Variants in POU6F2 observed in about 807,000 individuals in gnomAD.
POU6F2 encodes POU class 6 homeobox 2, also known as POU domain, class 6, transcription factor 2.
Under a neutral mutation model 71.3 loss-of-function variants are expected in POU6F2, and 31 were observed. The observed-to-expected ratio is 0.43, with a 90% CI of 0.33 to 0.59. The LOEUF is 0.59. Ranked by LOEUF, POU6F2 falls within the 20% of genes least tolerant of loss-of-function variation. POU6F2 has a pLI of 0.04. For missense variants in POU6F2, 783 were observed against 856.8 expected (o/e 0.91, Z 1.07); for synonymous variants, 347 against 355.7 (o/e 0.98, Z 0.27).
At chr7:39,015,560 A>G (rs1441257495) in intron 1 of POU6F2, among the ~76,000 whole-genome samples, 1 of 60,170 alleles carries the variant, frequency 1.7e-5, no homozygotes, top group Non-Finnish European at 3.3e-5. Flanking sequence ...TTTTATATAG[A>G]TCTACATTAT....
chr7:39,142,588 A>T (rs998578529), intron 2 of POU6F2, among the ~76,000 whole-genome samples: 6 of 152,260 alleles, frequency 3.9e-5, no homozygotes, highest in African/African-American at 1.2e-4. Flanking sequence ...TAGGTTTTCC[A>T]TGAAACTTCA....
At chr7:39,378,076 C>G (rs1786745206) in intron 5 of POU6F2, among the ~76,000 whole-genome samples, 1 of 152,188 alleles carries the variant, frequency 6.6e-6, no homozygotes, top group African/African-American at 2.4e-5. Flanking sequence ...AGTGGGAGTA[C>G]ATAGCCCATC....
chr7:39,265,231 C>T (rs2128755450), intron 4 of POU6F2, among the ~76,000 whole-genome samples: 4 of 152,260 alleles, frequency 2.6e-5, no homozygotes, highest in Middle Eastern at 3.4e-3. Flanking sequence ...TGTGTGATCC[C>T]CCAGGTCTGG....
At chr7:39,022,696 C>T (rs961834696) in intron 1 of POU6F2, among the ~76,000 whole-genome samples, 1 of 151,962 alleles carries the variant, frequency 6.6e-6, no homozygotes. Flanking sequence ...TGGGACTTTC[C>T]CCCGCTTTTT....
At chr7:39,168,163 A>T (rs1793148646) in intron 2 of POU6F2, among the ~76,000 whole-genome samples, 1 of 152,172 alleles carries the variant, frequency 6.6e-6, no homozygotes, top group South Asian at 2.1e-4. Flanking sequence ...AAAATTAGGA[A>T]TTTTGACCAA....
At chr7:39,319,705 A>G (rs2128768642) in intron 4 of POU6F2, among the ~76,000 whole-genome samples, 1 of 152,180 alleles carries the variant, frequency 6.6e-6, no homozygotes, top group East Asian at 1.9e-4. Context: ...TACCTGTGGC[A>G]TTTTCCAACA....
chr7:39,227,062 G>A (rs1260197504), intron 4 of POU6F2, among the ~76,000 whole-genome samples: 4 of 152,146 alleles, frequency 2.6e-5, no homozygotes, highest in Non-Finnish European at 5.9e-5. Context: ...ATTTGCCTTC[G>A]AATTTCAAAA....
chr7:39,398,271 CAAGT>C (rs1787219712), intron 5 of POU6F2, among the ~76,000 whole-genome samples: 1 of 149,998 alleles, frequency 6.7e-6, no homozygotes, highest in African/African-American at 2.5e-5. Flanking sequence ...AGAGGATAAA[CAAGT>C]AAGTGAATAA....
intron 5 of POU6F2, among the ~76,000 whole-genome samples, chr7:39,373,179 C>T (rs1786647036): frequency 6.6e-6 from 1 of 152,078 alleles, no homozygotes; most frequent in Non-Finnish European, 1.5e-5. Context: ...TAGAACAATG[C>T]CTGACGCATA....
At chr7:39,428,455 G>A (rs767627327) in intron 6 of POU6F2, among the ~76,000 whole-genome samples, 4 of 152,294 alleles carry the variant, frequency 2.6e-5, no homozygotes, top group Non-Finnish European at 2.9e-5. Context: ...GAGAATCGGG[G>A]CAAAGACATA....
intron 2 of POU6F2, among the ~76,000 whole-genome samples, chr7:39,149,351 T>A (rs1792694279): frequency 1.3e-5 from 2 of 152,236 alleles, no homozygotes. Context: ...CTTCTTTTTT[T>A]AAGCATTAAT....
chr7:39,061,288 G>A (rs1189352854), intron 1 of POU6F2, among the ~76,000 whole-genome samples: 2 of 152,102 alleles, frequency 1.3e-5, no homozygotes, highest in African/African-American at 4.8e-5. Flanking sequence ...AAGAAAGCAA[G>A]AAACATGCAG....
intron 6 of POU6F2, among the ~76,000 whole-genome samples, chr7:39,418,963 ATGTGT>A (rs1787755988): frequency 1.3e-5 from 1 of 75,348 alleles, no homozygotes; most frequent in Non-Finnish European, 2.6e-5. Context: ...ATGTATATAT[ATGTGT>A]ATATATGTAT....
chr7:39,011,929 C>T (rs1244685097), intron 1 of POU6F2, among the ~76,000 whole-genome samples: 5 of 151,802 alleles, frequency 3.3e-5, no homozygotes, highest in East Asian at 3.9e-4. Context: ...GAGGGTAACC[C>T]GACCTTTCTC....
intron 2 of POU6F2, among the ~76,000 whole-genome samples, chr7:39,158,290 G>A (rs1020279973): frequency 1.3e-5 from 2 of 152,174 alleles, no homozygotes; most frequent in African/African-American, 4.8e-5. Flanking sequence ...TGGCAGGATT[G>A]AGGATACAGT....
At chr7:39,107,854 C>T (rs1791724407) in intron 2 of POU6F2, among the ~76,000 whole-genome samples, 1 of 152,170 alleles carries the variant, frequency 6.6e-6, no homozygotes, top group Non-Finnish European at 1.5e-5. Flanking sequence ...CCCAAGAAGA[C>T]TCCACCAGAA....
chr7:39,201,192 CT>C (rs1793895408), intron 2 of POU6F2, among the ~76,000 whole-genome samples: 1 of 152,154 alleles, frequency 6.6e-6, no homozygotes, highest in Non-Finnish European at 1.5e-5. Flanking sequence ...TTATCCCTGA[CT>C]TTTACAACGT....
rs1788933851 is a variant in POU6F2 at position 39,460,923 on chromosome 7, T to C, written c.1658+208T>C. Among the ~76,000 whole-genome samples the C allele has an allele frequency of 6.6e-6, 1 of 152,088 alleles. No homozygotes were observed. Among genetic ancestry groups the C allele is most frequent in the Admixed American group, 6.5e-5 (1 of 15,280 alleles). On this transcript the variant is annotated intron_variant, in intron 9 of 9. Transcript: ENST00000518318. This position sits in a 1 kb window ranked among gnomAD's most constrained non-coding sequence, Gnocchi z 4.4. ...GGGGGTCCTGGCTTGATAACTCCTG[T>C]CAACTCACAAAGAACTTCCAAGGCA... is the stretch of plus-strand genomic sequence containing the variant.
intron 4 of POU6F2, among the ~76,000 whole-genome samples, chr7:39,224,384 A>T (rs909915821): frequency 6.6e-5 from 10 of 152,138 alleles, no homozygotes; most frequent in African/African-American, 2.4e-4. Flanking sequence ...ACCAAAAAAA[A>T]AAAAAAGAGG....
Sources: allele counts gnomAD v4.1 joint callset (sites outside exome capture counted in the v4.1 genomes callset), GRCh38; gene constraint gnomAD v4.1.1; non-coding constraint Gnocchi (gnomAD v3.1); transcripts MANE v1.5; gene names NCBI Gene and HGNC (gene_info 2026-07-23, HGNC 2026-07-21).